PLXNA4: variants seen among roughly 807,000 people sequenced by gnomAD.
The protein encoded by PLXNA4 is plexin A4, also known as plexin-A4.
In PLXNA4, 44 loss-of-function variants were observed where a neutral mutation model predicts 191.8. That is an observed-to-expected ratio of 0.23 (90% CI 0.18 to 0.29). The LOEUF is 0.29. PLXNA4 is among the 10% of genes least tolerant of loss of function. The pLI, the probability that PLXNA4 is intolerant of heterozygous loss-of-function variation, is 1.00. For synonymous variants in PLXNA4, 1,082 were observed against 1,009.5 expected (o/e 1.07, Z -1.36); for missense variants, 1,800 against 2,488.8 (o/e 0.72, Z 5.89).
At chr7:132,523,766 G>A (rs1585271189) in intron 1 of PLXNA4, among the ~76,000 whole-genome samples, 1 of 152,030 alleles carries the variant, frequency 6.6e-6, no homozygotes, top group African/African-American at 2.4e-5. Flanking sequence ...GGTTGCTGGT[G>A]ATGTGGAAAC....
chr7:132,179,893 G>A lies in PLXNA4; in HGVS notation c.3668C>T (p.Pro1223Leu), dbSNP rs760193383. The A allele has an allele frequency of 1.1e-5, 18 of 1,610,806 alleles. No homozygotes were observed. The highest frequency in any genetic ancestry group is 1.7e-5 in the Admixed American group (1 of 59,936). Reference sequence around the variant, plus strand: ...GTCCGGGGCAATGTACACCATCCCCGGGGAGTACTCCATGCCACCGACACG... The same window carrying A: ...GTCCGGGGCAATGTACACCATCCCCAGGGAGTACTCCATGCCACCGACACG... The part of the protein sequence containing the change: ...MARVGGMEYS[P>L]GMVYIAPDSP... Residue 1223 changes from proline (P) to leucine (L), a missense_variant, in exon 20 of 32, where the codon CCG becomes CTG. Physicochemically the swap from Pro to Leu is moderately conservative, Grantham distance 98. Transcript: ENST00000321063.
chr7:132,295,745 C>T (rs1321758770), intron 4 of PLXNA4, among the ~76,000 whole-genome samples: 1 of 152,112 alleles, frequency 6.6e-6, no homozygotes, highest in Non-Finnish European at 1.5e-5. Flanking sequence ...AATACCAGCC[C>T]CTGCCTGACT....
rs369679657 is a variant in PLXNA4 at position 132,147,886 on chromosome 7, C to T, written c.4864+14G>A. On this transcript the variant is annotated intron_variant, in intron 27 of 31. Coordinates refer to ENST00000321063, the MANE Select transcript of PLXNA4 (RefSeq NM_020911.2). ...GACACCCAGGCCTCCCTAGGACACT[C>T]GGTGGGATCTTACCATATTTACTTG... is the stretch of plus-strand genomic sequence containing the variant. The T allele has an allele frequency of 5.3e-5, 86 of 1,613,886 alleles. No individual in the cohort carries two copies. The highest frequency in any genetic ancestry group is 9.3e-5 in the African/African-American group (7 of 74,900).
chr7:132,594,900 T>C (rs1409155731), intron 2 of PLXNA4, among the ~76,000 whole-genome samples: 2 of 139,268 alleles, frequency 1.4e-5, no homozygotes, highest in Non-Finnish European at 3.0e-5. Context: ...CATTCAGACA[T>C]AGATAGATAG....
At chr7:132,186,352 C>G (rs899823247) in intron 15 of PLXNA4, among the ~76,000 whole-genome samples, 1 of 152,174 alleles carries the variant, frequency 6.6e-6, no homozygotes. Context: ...CTCTGCAGCT[C>G]CCAGAGTGGA....
intron 28 of PLXNA4, among the ~76,000 whole-genome samples, chr7:132,145,755 C>T (rs190186288): frequency 1.1e-3 from 165 of 151,978 alleles, no homozygotes; most frequent in African/African-American, 3.5e-3. Flanking sequence ...AGGCAAGCAA[C>T]GTCCCCAGAA....
intron 3 of PLXNA4, among the ~76,000 whole-genome samples, chr7:132,329,264 C>A (rs890445061): frequency 3.9e-5 from 6 of 152,220 alleles, no homozygotes; most frequent in African/African-American, 1.2e-4. Context: ...CCAGCTCCAG[C>A]CTTACCCTTT....
intron 1 of PLXNA4, among the ~76,000 whole-genome samples, chr7:132,544,527 T>G (rs1384716731): frequency 6.6e-6 from 1 of 151,880 alleles, no homozygotes; most frequent in Non-Finnish European, 1.5e-5. Context: ...CACACAGAAA[T>G]AGACTTAAGT....
intron 3 of PLXNA4, among the ~76,000 whole-genome samples, chr7:132,330,263 G>A (rs1476869701): frequency 1.3e-5 from 2 of 152,220 alleles, no homozygotes; most frequent in Non-Finnish European, 2.9e-5. Context: ...AGAAGGTGAA[G>A]CTGGAGGGAG....
chr7:132,489,696 A>C (rs1286987467), intron 2 of PLXNA4, among the ~76,000 whole-genome samples: 1 of 152,128 alleles, frequency 6.6e-6, no homozygotes, highest in Non-Finnish European at 1.5e-5. Context: ...ACAGGTCCGC[A>C]GGTCTCCTTT....
intron 2 of PLXNA4, among the ~76,000 whole-genome samples, chr7:132,639,109 C>T (rs1254228826): frequency 1.3e-5 from 2 of 152,202 alleles, no homozygotes; most frequent in African/African-American, 4.8e-5. Context: ...GGACTGAGAA[C>T]ACCCATCACG....
chr7:132,262,556 G>C (rs1176987493), intron 4 of PLXNA4, among the ~76,000 whole-genome samples: 3 of 152,136 alleles, frequency 2.0e-5, no homozygotes, highest in African/African-American at 7.2e-5. Context: ...CAGACAAATG[G>C]GGTGAGCCTG....
At chr7:132,161,922 G>A (rs1748313448) in intron 24 of PLXNA4, among the ~76,000 whole-genome samples, 1 of 152,164 alleles carries the variant, frequency 6.6e-6, no homozygotes, top group African/African-American at 2.4e-5. Flanking sequence ...TGGTACTAGG[G>A]TGCTCCCACT....
chr7:132,574,722 C>G lies in PLXNA4; in HGVS notation c.-87+1700G>C, dbSNP rs189599492. On this transcript the variant is annotated intron_variant, in intron 1 of 31. Transcript: ENST00000321063. ...CACAGCGGGAATACAATCTCCCTCC[C>G]GGGGTGTCTGCGCTTCTCCCCAGCC... is the stretch of plus-strand genomic sequence containing the variant. Among the ~76,000 whole-genome samples, 351 of 152,318 alleles carry G rather than the reference C, an allele frequency of 2.3e-3. 3 individuals carry two copies. Among genetic ancestry groups the G allele is most frequent in the African/African-American group, 8.1e-3 (337 of 41,574 alleles).
At chr7:132,570,068 G>A (rs1447650753) in intron 1 of PLXNA4, among the ~76,000 whole-genome samples, 3 of 152,198 alleles carry the variant, frequency 2.0e-5, no homozygotes, top group Non-Finnish European at 2.9e-5. Context: ...CACAATCCAT[G>A]TGAGTGTATT....
rs1156671601 is a variant in PLXNA4, at chr7:132,151,525, GAGAA to G, written c.4661-2883_4661-2880del. Reference sequence around the variant, plus strand: ...GAGGAGGAGGAGAAAGGAGGAGGAGGAGAAAGGAGGAGGAGGAGAAAGGAGGAGG... The same window carrying G: ...GAGGAGGAGGAGAAAGGAGGAGGAGGAGGAGGAGGAGGAGAAAGGAGGAGG... On this transcript the variant is annotated intron_variant, in intron 25 of 31. Coordinates refer to ENST00000321063, the MANE Select transcript of PLXNA4 (RefSeq NM_020911.2). Among the ~76,000 whole-genome samples, 196 of 102,822 alleles carry G rather than the reference GAGAA, an allele frequency of 1.9e-3. 2 individuals are homozygous for G. Among genetic ancestry groups the G allele is most frequent in the Non-Finnish European group, 2.8e-3 (143 of 50,652 alleles). The allele number at this position is 102,822 out of a possible 152,430, so 67.5% of individuals were successfully genotyped here.
intron 3 of PLXNA4, chr7:132,383,538 C>T: frequency 2.0e-6 from 2 of 976,566 alleles, no homozygotes; most frequent in Non-Finnish European, 2.4e-6. Flanking sequence ...TTGTATCATG[C>T]TTTCTAATTG....
rs73444844 is a variant in PLXNA4, at chr7:132,486,271, A to G, written c.1371+3021T>C. ...CTTGTCACGGCTGGGCCTCTGCCCA[A>G]AAGGTGACTGTGGTCCTGATAACCT... On this transcript the variant is annotated intron_variant, in intron 3 of 31. Transcript: ENST00000321063. 9.8e-3 allele frequency among the ~76,000 whole-genome samples: 1,489 copies of G among 152,356 alleles called. 31 individuals carry two copies. Among genetic ancestry groups the G allele is most frequent in the African/African-American group, 0.034 (1,394 of 41,576 alleles).
intron 3 of PLXNA4, among the ~76,000 whole-genome samples, chr7:132,350,492 G>A (rs4518603): frequency 0.4 from 60,135 of 151,874 alleles, 13,751 homozygotes; most frequent in African/African-American, 0.64. Flanking sequence ...CAACAGACTG[G>A]GAGTCTGTCT....
Sources: allele counts gnomAD v4.1 joint callset (sites outside exome capture counted in the v4.1 genomes callset), GRCh38; gene constraint gnomAD v4.1.1; transcripts MANE v1.5; gene names NCBI Gene and HGNC (gene_info 2026-07-23, HGNC 2026-07-21).